The following TMEM132D variants were observed in gnomAD, a reference collection of about 807,000 sequenced individuals.
TMEM132D encodes the protein mature OL transmembrane protein.
TMEM132D carries 21 observed loss-of-function variants against 62.3 expected under a neutral mutation model. That is an observed-to-expected ratio of 0.34 (90% CI 0.24 to 0.49). The LOEUF (loss-of-function observed/expected upper bound fraction) is 0.49, where lower values mean the gene tolerates loss of function less well. Among genes scored for constraint, TMEM132D ranks in the 20% least tolerant of loss-of-function variants. The probability of loss-of-function intolerance (pLI) is 0.99; values close to 1 mark genes in which losing one functional copy is unlikely to be tolerated. For missense variants in TMEM132D, 1,346 were observed against 1,402.8 expected (o/e 0.96, Z 0.65); for synonymous variants, 621 against 575.6 (o/e 1.08, Z -1.13).
intron 2 of TMEM132D, among the ~76,000 whole-genome samples, chr12:129,543,740 A>G (rs1876656203): frequency 6.6e-6 from 1 of 152,246 alleles, no homozygotes; most frequent in Non-Finnish European, 1.5e-5. Flanking sequence ...AACCACCATA[A>G]GCTAAGGCCA....
chr12:129,568,176 C>T (rs939821074), intron 2 of TMEM132D, among the ~76,000 whole-genome samples: 2 of 152,234 alleles, frequency 1.3e-5, no homozygotes, highest in South Asian at 4.1e-4. Context: ...TGCAGGTGTG[C>T]TGCTGCAGTG....
chr12:129,102,442 TAC>T (rs59326391), intron 5 of TMEM132D, among the ~76,000 whole-genome samples: 4,540 of 149,688 alleles, frequency 0.03, 320 homozygotes, highest in East Asian at 0.19. Flanking sequence ...CATATGCACA[TAC>T]ACACATGCAG....
At chr12:129,082,847 A>G (rs1464887578) in intron 6 of TMEM132D, among the ~76,000 whole-genome samples, 2 of 152,138 alleles carry the variant, frequency 1.3e-5, no homozygotes, top group Non-Finnish European at 2.9e-5. Flanking sequence ...CTTCCACTCC[A>G]GCCTCCTGAA....
At chr12:129,894,826 A>G (rs1875050996) in intron 1 of TMEM132D, among the ~76,000 whole-genome samples, 1 of 151,804 alleles carries the variant, frequency 6.6e-6, no homozygotes, top group African/African-American at 2.4e-5. Context: ...GTCTTTTTAC[A>G]CGTGTTCCTC....
At chr12:129,178,864 T>C (rs1158488497) in intron 5 of TMEM132D, among the ~76,000 whole-genome samples, 1 of 152,212 alleles carries the variant, frequency 6.6e-6, no homozygotes, top group African/African-American at 2.4e-5. Context: ...AGGTGGCTGC[T>C]GTGGGTCAAA....
chr12:129,834,556 C>T (rs1872941982), intron 1 of TMEM132D, among the ~76,000 whole-genome samples: 1 of 152,078 alleles, frequency 6.6e-6, no homozygotes, highest in South Asian at 2.1e-4. Context: ...CATGCACCAG[C>T]TGCTAGCACT....
chr12:129,215,211 A>G (rs756117293), intron 4 of TMEM132D, among the ~76,000 whole-genome samples: 26 of 152,224 alleles, frequency 1.7e-4, no homozygotes, highest in Non-Finnish European at 3.4e-4. Context: ...ACACAGAAAC[A>G]GAAAACAACA....
chr12:129,257,148 T>C (rs191194751), intron 4 of TMEM132D, among the ~76,000 whole-genome samples: 4 of 151,840 alleles, frequency 2.6e-5, no homozygotes, highest in African/African-American at 7.2e-5. Context: ...GATGAGTCAA[T>C]TGATCATGGA....
chr12:129,485,791 C>T lies in TMEM132D; in HGVS notation c.1115+45268G>A, dbSNP rs1308356302. Among the ~76,000 whole-genome samples the T allele has an allele frequency of 4.6e-5, 7 of 152,110 alleles. No homozygotes were observed. The South Asian group carries it at 1.4e-3, about 31-fold the overall frequency. ...AAGGCAGAATCTGAGGAATTGAGTCCAAGAATTCTGAATCCTTACCTGGCA... is the reference window on the plus strand; with the variant it reads ...AAGGCAGAATCTGAGGAATTGAGTCTAAGAATTCTGAATCCTTACCTGGCA... On this transcript the variant is annotated intron_variant, in intron 3 of 8. Transcript: ENST00000422113.
At chr12:129,613,483 T>G (rs567811568) in intron 2 of TMEM132D, among the ~76,000 whole-genome samples, 2 of 152,316 alleles carry the variant, frequency 1.3e-5, no homozygotes, top group Middle Eastern at 6.8e-3. Flanking sequence ...GGCACACCCA[T>G]TCTGTCGTGC....
At chr12:129,385,990 C>T (rs892389463) in intron 3 of TMEM132D, among the ~76,000 whole-genome samples, 3 of 152,170 alleles carry the variant, frequency 2.0e-5, no homozygotes, top group Admixed American at 6.5e-5. Context: ...GCACACAGTT[C>T]CCCACCTGCT....
chr12:129,591,348 A>G (rs563713714), intron 2 of TMEM132D, among the ~76,000 whole-genome samples: 1 of 152,330 alleles, frequency 6.6e-6, no homozygotes, highest in South Asian at 2.1e-4. Context: ...TGCATCATCC[A>G]TATCATCAAA....
chr12:129,573,143 G>C (rs1267533718), intron 2 of TMEM132D, among the ~76,000 whole-genome samples: 1 of 152,172 alleles, frequency 6.6e-6, no homozygotes, highest in Admixed American at 6.5e-5. Flanking sequence ...GGCAGCCATG[G>C]AGACCCTGCG....
intron 2 of TMEM132D, among the ~76,000 whole-genome samples, chr12:129,602,397 G>T (rs1321390877): frequency 6.6e-6 from 1 of 151,992 alleles, no homozygotes. Context: ...AATGTTGCCT[G>T]GAATTTCACT....
At chr12:129,216,382 G>C (rs1879201419) in intron 4 of TMEM132D, among the ~76,000 whole-genome samples, 1 of 152,216 alleles carries the variant, frequency 6.6e-6, no homozygotes, top group Non-Finnish European at 1.5e-5. Context: ...GTGATTAGTT[G>C]AGACATGGTC....
chr12:129,087,915 CCTCCCTGACCGGGTG>C (rs1874683976), intron 5 of TMEM132D, among the ~76,000 whole-genome samples: 1 of 128,748 alleles, frequency 7.8e-6, no homozygotes, highest in Non-Finnish European at 1.6e-5. Context: ...ACCGGGGTGT[CCTCCCTGACCGGGTG>C]TCCTCCATGA....
chr12:129,356,855 A>ACCGTGT (rs1245447682), intron 3 of TMEM132D, among the ~76,000 whole-genome samples: 3 of 149,150 alleles, frequency 2.0e-5, no homozygotes, highest in South Asian at 2.2e-4. Context: ...AAAGAGTGAG[A>ACCGTGT]CAAAGAAAGG....
At chr12:129,514,735 T>C (rs991498586) in intron 3 of TMEM132D, among the ~76,000 whole-genome samples, 4 of 152,294 alleles carry the variant, frequency 2.6e-5, no homozygotes, top group Admixed American at 6.5e-5. Context: ...GAAATGATCA[T>C]TGATGTTTAA....
chr12:129,673,126 C>T (rs1396567309), intron 2 of TMEM132D, among the ~76,000 whole-genome samples: 3 of 150,438 alleles, frequency 2.0e-5, no homozygotes, highest in African/African-American at 7.3e-5. Flanking sequence ...TCATTACCCC[C>T]AAAACTCTCT....
Sources: allele counts gnomAD v4.1 joint callset (sites outside exome capture counted in the v4.1 genomes callset), GRCh38; gene constraint gnomAD v4.1.1; transcripts MANE v1.5; gene names NCBI Gene and HGNC (gene_info 2026-07-23, HGNC 2026-07-21).